The following PIK3R1 variants were observed in gnomAD, a reference collection of about 807,000 sequenced individuals.
PIK3R1 encodes the protein phosphoinositide-3-kinase regulatory subunit 1.
PIK3R1 carries 29 observed loss-of-function variants against 98.0 expected under a neutral mutation model. The observed-to-expected ratio is 0.30, with a 90% CI of 0.22 to 0.40. The LOEUF is 0.40. PIK3R1 is among the 10% of genes least tolerant of loss of function. The pLI is 1.00. For missense variants in PIK3R1, 596 were observed against 872.7 expected (o/e 0.68, Z 3.99); for synonymous variants, 282 against 311.8 (o/e 0.90, Z 1.01).
At chr5:68,281,065 A>G (rs1746813120) in intron 7 of PIK3R1, 59 bp downstream of exon 7, 1 of 1,124,998 alleles carries the variant, frequency 8.9e-7, no homozygotes, top group Non-Finnish European at 1.3e-6. Flanking sequence ...GCCTTAAAAA[A>G]TGATGGCTAT....
At chr5:68,239,558 G>A (rs1375612303) in intron 2 of PIK3R1, among the ~76,000 whole-genome samples, 3 of 152,158 alleles carry the variant, frequency 2.0e-5, no homozygotes, top group African/African-American at 7.2e-5. Context: ...CTGTTTTAAA[G>A]ATAAACAAGT....
At chr5:68,286,716 C>T (rs1747092901) in intron 7 of PIK3R1, among the ~76,000 whole-genome samples, 1 of 152,188 alleles carries the variant, frequency 6.6e-6, no homozygotes, top group African/African-American at 2.4e-5. Flanking sequence ...GTACTGCTTT[C>T]CAGTGGCTTA....
intron 5 of PIK3R1, 124 bp from the exon 6 acceptor site, chr5:68,280,404 C>T (rs1235949899): frequency 1.4e-6 from 1 of 700,568 alleles, no homozygotes; most frequent in African/African-American, 1.8e-5. Flanking sequence ...GTGCTTCTCC[C>T]AACAACTTTT....
chr5:68,259,270 A>T (rs979863752), intron 2 of PIK3R1, among the ~76,000 whole-genome samples: 2 of 152,244 alleles, frequency 1.3e-5, no homozygotes, highest in Admixed American at 6.5e-5. Context: ...TAAATAAAAG[A>T]TTAAATTTCA....
chr5:68,291,173 C>G (rs1747366492), intron 7 of PIK3R1: 2 of 223,612 alleles, frequency 8.9e-6, no homozygotes, highest in Non-Finnish European at 1.8e-5. Flanking sequence ...TTTTGTGCTG[C>G]TTTTCTCTGT....
At chr5:68,288,334 A>G in intron 7 of PIK3R1, 1 of 885,022 alleles carries the variant, frequency 1.1e-6, no homozygotes, top group South Asian at 5.1e-5. Flanking sequence ...CTCAGCAAAT[A>G]TTTGAACCTG....
Position 68,274,495 on chromosome 5 carries a change from TC to T in PIK3R1, c.502+483del, listed in dbSNP as rs570523342. On this transcript the variant is annotated intron_variant, in intron 4 of 15. Transcript: ENST00000521381. ...CCCTTTCTTTCTGGCTTGCCTTCTT[TC>T]TTTTTTTGTGTTGAGTGCATTAAGT... Among the ~76,000 whole-genome samples the T allele has an allele frequency of 2.4e-3, 366 of 152,354 alleles. 2 individuals carry two copies. Among genetic ancestry groups the T allele is most frequent in the Middle Eastern group, 0.01 (3 of 294 alleles).
intron 2 of PIK3R1, among the ~76,000 whole-genome samples, chr5:68,228,744 G>T (rs1461559622): frequency 6.6e-6 from 1 of 151,930 alleles, no homozygotes; most frequent in Non-Finnish European, 1.5e-5. Flanking sequence ...TTATTTAAAA[G>T]GTGGAATAAG....
At chr5:68,292,406 G>A (rs772560353) in intron 8 of PIK3R1, 45 bp downstream of exon 8, 9 of 1,522,920 alleles carry the variant, frequency 5.9e-6, no homozygotes, top group Non-Finnish European at 8.2e-6. Context: ...TAGATTAAAA[G>A]AAAGAAAAGC....
At chr5:68,274,656 C>T (rs1284025654) in intron 4 of PIK3R1, among the ~76,000 whole-genome samples, 1 of 152,174 alleles carries the variant, frequency 6.6e-6, no homozygotes, top group Admixed American at 6.5e-5. Context: ...AGCTAACCAA[C>T]ATGATGTCAC....
chr5:68,216,774 C>CTAACACTAGTGAGCTCTAACCACAGCTT (rs1743900534), intron 1 of PIK3R1, among the ~76,000 whole-genome samples: 1 of 152,202 alleles, frequency 6.6e-6, no homozygotes, highest in Non-Finnish European at 1.5e-5. Flanking sequence ...AACCACAGCT[C>CTAACACTAGTGAGCTCTAACCACAGCTT]TAACCTAAGC....
chr5:68,219,289 A>C (rs895673304), intron 1 of PIK3R1, among the ~76,000 whole-genome samples: 10 of 152,214 alleles, frequency 6.6e-5, no homozygotes, highest in Admixed American at 5.9e-4. Context: ...ATCCACAGGC[A>C]CCTGTAGTCA....
At position 68,293,473 on chromosome 5, in the gene PIK3R1, A is replaced by C. The variant is rs188617536; in HGVS notation, c.1289A>C (p.Lys430Thr). 1.7e-5 allele frequency: 28 copies of C among 1,606,578 alleles called. No homozygotes were observed. In the Admixed American group the frequency reaches 4.7e-4, roughly 27 times the overall value. ...GTGAAATTACTTTATCCAGTATCCA[A>C]ATACCAACAGGTAATAAAAACTGAA... ...LDVKLLYPVS[K>T]YQQDQVVKED... Residue 430 changes from lysine to threonine, a missense_variant, in exon 10 of 16, where the codon AAA (lysine) becomes ACA (threonine). Lys to Thr is a moderately conservative substitution (Grantham distance 78, BLOSUM62 -1). Around this residue, in one of 3 missense-constraint regions of PIK3R1, gnomAD observed 207 missense variants for 361.4 expected, o/e 0.57. Transcript: ENST00000521381.
intron 7 of PIK3R1, 133 bp downstream of exon 7, chr5:68,281,139 T>C (rs1185586761): frequency 1.6e-6 from 1 of 610,452 alleles, no homozygotes; most frequent in Non-Finnish European, 2.9e-6. Flanking sequence ...TGTTACCTTG[T>C]GATTTAAAGA....
chr5:68,227,375 A>C (rs1257304465), intron 2 of PIK3R1, among the ~76,000 whole-genome samples: 1 of 152,202 alleles, frequency 6.6e-6, no homozygotes, highest in East Asian at 1.9e-4. Flanking sequence ...TGAAAAACCC[A>C]AAATTTTTTG....
rs1185476990 is a variant in PIK3R1 at position 68,274,085 on chromosome 5, A to G, written c.502+72A>G. 9 of 1,132,052 alleles carry G rather than the reference A, an allele frequency of 8.0e-6. No individual in the cohort carries two copies. The African/African-American group carries it at 1.1e-4, about 13-fold the overall frequency. 70.1% of individuals were successfully genotyped at this position (1,132,052 alleles called of 1,614,324 possible). Reference sequence around the variant, plus strand: ...GCTTTCTGTTTCAGGTAATGCACACACACAAAATTGAATTTAATCTATGCA... The same window carrying G: ...GCTTTCTGTTTCAGGTAATGCACACGCACAAAATTGAATTTAATCTATGCA... On this transcript the variant is annotated intron_variant, in intron 4 of 15. Transcript: ENST00000521381.
intron 4 of PIK3R1, among the ~76,000 whole-genome samples, chr5:68,276,652 T>C (rs1193389674): frequency 2.0e-5 from 3 of 152,172 alleles, no homozygotes; most frequent in Non-Finnish European, 4.4e-5. Flanking sequence ...AGAAAAGGAT[T>C]CTTAGAGAGC....
chr5:68,280,572 A>T lies in PIK3R1; in HGVS notation c.679A>T (p.Ile227Phe). 6.2e-7 allele frequency: 1 copy of T among 1,612,566 alleles called. No individual in the cohort carries two copies. The stretch of plus-strand genomic sequence containing the variant: ...ATATATTCAGCTATTGAAGAAGCTT[A>T]TTAGGTCGCCTAGCATACCTCATCA... ...EEYIQLLKKL[I>F]RSPSIPHQYW... is the part of the protein sequence containing the mutation. The change falls in exon 6 of 16, where the codon ATT (isoleucine) becomes TTT (phenylalanine). Residue 227 changes from isoleucine to phenylalanine, a missense_variant. Coordinates refer to ENST00000521381, the MANE Select transcript of PIK3R1 (RefSeq NM_181523.3).
intron 2 of PIK3R1, among the ~76,000 whole-genome samples, chr5:68,231,175 T>C (rs1331368958): frequency 1.3e-5 from 2 of 152,228 alleles, no homozygotes; most frequent in Non-Finnish European, 2.9e-5. Flanking sequence ...ACTCATACTT[T>C]GAGATCCTTT....
Sources: gnomAD v4.1 joint callset for allele counts (sites outside exome capture counted in the v4.1 genomes callset) on GRCh38, gnomAD v4.1.1 for gene constraint, gnomAD v4.1.1 regional missense constraint, MANE v1.5 for transcripts, NCBI Gene and HGNC (gene_info 2026-07-23, HGNC 2026-07-21) for gene names.